The following TLE4 variants were observed in gnomAD, a reference collection of about 807,000 sequenced individuals.
TLE4 encodes transducin-like enhancer protein 4.
TLE4 carries 8 observed loss-of-function variants against 92.8 expected under a neutral mutation model. The ratio of observed to expected loss-of-function variants is 0.09; its 90% CI spans 0.05 to 0.16. The LOEUF (loss-of-function observed/expected upper bound fraction) is 0.16, where lower values mean the gene tolerates loss of function less well. TLE4 is among the 10% of genes least tolerant of loss of function. The probability of loss-of-function intolerance (pLI) is 1.00; values close to 1 mark genes in which losing one functional copy is unlikely to be tolerated. For synonymous variants in TLE4, 371 were observed against 374.1 expected, an observed-to-expected ratio of 0.99 and a Z score of 0.10; for missense variants, 675 against 997.6, an observed-to-expected ratio of 0.68 and a Z score of 4.36.
chr9:79,592,219 T>TTCTTCTTCTTCTTCC (rs1482380722), intron 4 of TLE4, among the ~76,000 whole-genome samples: 3 of 127,614 alleles, frequency 2.4e-5, no homozygotes, highest in African/African-American at 3.6e-5. Flanking sequence ...CTTCTTCCTC[T>TTCTTCTTCTTCTTCC]TCTTCTTCTT....
chr9:79,678,081 CA>C (rs1485615878), intron 8 of TLE4, among the ~76,000 whole-genome samples: 1 of 152,042 alleles, frequency 6.6e-6, no homozygotes, highest in Admixed American at 6.6e-5. Context: ...GTCTCTGTCT[CA>C]GTTAAAGAAA....
intron 4 of TLE4, among the ~76,000 whole-genome samples, chr9:79,582,231 CAG>C (rs898165397): frequency 1.3e-5 from 2 of 152,142 alleles, no homozygotes; most frequent in African/African-American, 2.4e-5. Flanking sequence ...TAAATGAAGG[CAG>C]ATGTTTTGCT....
chr9:79,689,855 T>C (rs1291774407), intron 8 of TLE4, among the ~76,000 whole-genome samples: 2 of 152,200 alleles, frequency 1.3e-5, no homozygotes, highest in East Asian at 3.9e-4. Flanking sequence ...TTGTCAACTT[T>C]AGAATCACCT....
At chr9:79,677,652 G>A (rs1002806771) in intron 8 of TLE4, among the ~76,000 whole-genome samples, 1 of 128,800 alleles carries the variant, frequency 7.8e-6, no homozygotes, top group Non-Finnish European at 1.6e-5. Context: ...TTTGAATTGT[G>A]TATAATCTGA....
At chr9:79,653,044 C>G in intron 7 of TLE4, 1 of 532,278 alleles carries the variant, frequency 1.9e-6, no homozygotes. Flanking sequence ...TTCTTGCTAC[C>G]TTCTATGTTC....
At chr9:79,630,716 TATTAA>T (rs1344510408) in intron 6 of TLE4, among the ~76,000 whole-genome samples, 2 of 152,232 alleles carry the variant, frequency 1.3e-5, no homozygotes, top group Non-Finnish European at 2.9e-5. Flanking sequence ...TTTCCTGTAT[TATTAA>T]ATTGAGTCAC....
At position 79,572,841 on chromosome 9, in the gene TLE4, T is replaced by A. The variant is rs1038984436; in HGVS notation, c.45+6T>A. On this transcript the variant is annotated splice_donor_region_variant and intron_variant, in intron 1 of 19. Coordinates refer to ENST00000376552, the MANE Select transcript of TLE4 (RefSeq NM_007005.6). ...ACCCGCAGACCAGACACCCAGTGAG[T>A]GCGGGCGGCGGGGCGCGGGCTCGCC... 2 of 1,589,354 alleles carry A rather than the reference T, an allele frequency of 1.3e-6. No homozygotes were observed. The highest frequency in any genetic ancestry group is 4.7e-5 in the East Asian group (2 of 42,286).
chr9:79,714,988 A>G (rs893985904), intron 14 of TLE4, among the ~76,000 whole-genome samples: 3 of 152,166 alleles, frequency 2.0e-5, no homozygotes, highest in African/African-American at 4.8e-5. Context: ...AGTGCCTTCT[A>G]TGTATACTAA....
intron 8 of TLE4, among the ~76,000 whole-genome samples, chr9:79,654,823 T>A (rs572857574): frequency 6.6e-6 from 1 of 152,254 alleles, no homozygotes; most frequent in South Asian, 2.1e-4. Context: ...ATTAATGTGA[T>A]CACTTATGAA....
In TLE4 at chr9:79,676,773, G is replaced by A. The variant is rs115271853; in HGVS notation, c.609+22698G>A. Among the ~76,000 whole-genome samples, 1,186 of 152,086 alleles carry A rather than the reference G, an allele frequency of 7.8e-3. 16 individuals carry two copies. The highest frequency in any genetic ancestry group is 0.027 in the African/African-American group (1,126 of 41,496). Reference sequence around the variant, plus strand: ...CACTTAGGTTCTTCTGATGTATGATGGACCCTATGATTTATTTTACTTGAT... The same window carrying A: ...CACTTAGGTTCTTCTGATGTATGATAGACCCTATGATTTATTTTACTTGAT... On this transcript the variant is annotated intron_variant, in intron 8 of 19. Coordinates refer to ENST00000376552, the MANE Select transcript of TLE4 (RefSeq NM_007005.6).
At chr9:79,722,054 A>G (rs1398551175) in intron 17 of TLE4, among the ~76,000 whole-genome samples, 166 bp downstream of exon 17, 1 of 152,170 alleles carries the variant, frequency 6.6e-6, no homozygotes, top group Admixed American at 6.5e-5. Context: ...AGTCCCAGCT[A>G]CTTAGGAGGC....
At chr9:79,664,382 A>G (rs755668079) in intron 8 of TLE4, among the ~76,000 whole-genome samples, 2 of 152,232 alleles carry the variant, frequency 1.3e-5, no homozygotes, top group Non-Finnish European at 2.9e-5. Context: ...TTTGTACCAC[A>G]GTTATCAGGA....
chr9:79,574,846 A>G (rs2037211784), intron 2 of TLE4, 27 bp from the exon 3 acceptor site: 1 of 1,599,400 alleles, frequency 6.3e-7, no homozygotes, highest in African/African-American at 1.3e-5. Flanking sequence ...AGATCATTGT[A>G]CTTAGAGTAT....
At chr9:79,721,709 CA>C in intron 16 of TLE4, 31 bp from the exon 17 acceptor site, 1 of 1,613,552 alleles carries the variant, frequency 6.2e-7, no homozygotes, top group Non-Finnish European at 8.5e-7. Flanking sequence ...GCTAACTTTT[CA>C]AGGGCTTTCC....
chr9:79,672,116 CTCCTG>C (rs1459703915), intron 8 of TLE4, among the ~76,000 whole-genome samples: 1 of 149,890 alleles, frequency 6.7e-6, no homozygotes, highest in African/African-American at 2.5e-5. Flanking sequence ...TCAAGGAGCC[CTCCTG>C]TCCTGGGGAG....
At chr9:79,591,534 C>T (rs1414484808) in intron 4 of TLE4, among the ~76,000 whole-genome samples, 1 of 152,166 alleles carries the variant, frequency 6.6e-6, no homozygotes, top group South Asian at 2.1e-4. Context: ...GGGACCATAT[C>T]TGTTTTGCTA....
At chr9:79,622,113 T>G (rs889629492) in intron 5 of TLE4, among the ~76,000 whole-genome samples, 1 of 152,222 alleles carries the variant, frequency 6.6e-6, no homozygotes, top group Non-Finnish European at 1.5e-5. Flanking sequence ...TGCAAAGCCC[T>G]TTGCTGTTTG....
chr9:79,620,579 T>G (rs1410659082), intron 5 of TLE4, among the ~76,000 whole-genome samples: 1 of 152,186 alleles, frequency 6.6e-6, no homozygotes, highest in Non-Finnish European at 1.5e-5. Flanking sequence ...CTCTCTAAGC[T>G]TTGTGGTGCT....
intron 4 of TLE4, among the ~76,000 whole-genome samples, chr9:79,611,789 G>T (rs1420009839): frequency 6.6e-6 from 1 of 151,866 alleles, no homozygotes; most frequent in Non-Finnish European, 1.5e-5. Context: ...TGGTAAAACT[G>T]TGAGTAACTT....
Sources: allele counts gnomAD v4.1 joint callset (sites outside exome capture counted in the v4.1 genomes callset), GRCh38; gene constraint gnomAD v4.1.1; transcripts MANE v1.5; gene names NCBI Gene and HGNC (gene_info 2026-07-23, HGNC 2026-07-21).